The following MAGI2 variants were observed in gnomAD, a reference collection of about 807,000 sequenced individuals.
MAGI2 encodes membrane associated guanylate kinase, WW and PDZ domain containing 2.
Under a neutral mutation model 133.3 loss-of-function variants are expected in MAGI2, and 35 were observed. That is an observed-to-expected ratio of 0.26 (90% CI 0.20 to 0.35). The LOEUF is 0.35. Among genes scored for constraint, MAGI2 ranks in the 10% least tolerant of loss-of-function variants. MAGI2 has a pLI of 1.00. For missense variants in MAGI2, 1,636 were observed against 1,863.4 expected, an observed-to-expected ratio of 0.88 and a Z score of 2.25; for synonymous variants, 729 against 710.6, an observed-to-expected ratio of 1.03 and a Z score of -0.41.
At chr7:79,023,453 C>T (rs1809547409) in intron 1 of MAGI2, among the ~76,000 whole-genome samples, 1 of 152,096 alleles carries the variant, frequency 6.6e-6, no homozygotes, top group Non-Finnish European at 1.5e-5. Flanking sequence ...CTCACCACTC[C>T]TATTTAACAT....
intron 2 of MAGI2, among the ~76,000 whole-genome samples, chr7:78,687,100 G>T (rs1305411503): frequency 6.6e-6 from 1 of 152,172 alleles, no homozygotes; most frequent in Admixed American, 6.5e-5. Context: ...CCACACCTTT[G>T]TAGGTGAGAC....
At chr7:78,472,128 T>G (rs1215844385) in intron 6 of MAGI2, among the ~76,000 whole-genome samples, 1 of 152,072 alleles carries the variant, frequency 6.6e-6, no homozygotes, top group Non-Finnish European at 1.5e-5. Context: ...TTACATAAAC[T>G]AGGTTTGCAG....
intron 3 of MAGI2, among the ~76,000 whole-genome samples, chr7:78,608,467 G>GTGTGTGTA (rs1392117770): frequency 1.3e-5 from 2 of 148,290 alleles, no homozygotes; most frequent in African/African-American, 5.1e-5. Flanking sequence ...ATATGTGTGT[G>GTGTGTGTA]TATGTATATA....
intron 1 of MAGI2, among the ~76,000 whole-genome samples, chr7:79,447,419 T>A (rs888979512): frequency 2.0e-5 from 3 of 152,124 alleles, no homozygotes; most frequent in Admixed American, 2.0e-4. Context: ...GTTGTCATAA[T>A]ATATAGCCAG....
chr7:79,421,295 A>G (rs1846941438), intron 1 of MAGI2, among the ~76,000 whole-genome samples: 1 of 136,874 alleles, frequency 7.3e-6, no homozygotes, highest in African/African-American at 3.3e-5. Context: ...AATTGAATCC[A>G]TTGTGTTATT....
In MAGI2 at chr7:78,400,954, CA is replaced by C. The variant is rs1479292230; in HGVS notation, c.1046-31742del. On this transcript the variant is annotated intron_variant, in intron 6 of 21. Coordinates refer to ENST00000354212, the MANE Select transcript of MAGI2 (RefSeq NM_012301.4). ...TGTCATAGTCAAATGTAAACCAGGG[CA>C]TAAGACTAGGGAAAGCCGATTTCCT... is the stretch of plus-strand genomic sequence containing the variant. Among the ~76,000 whole-genome samples, 6 of 152,036 alleles carry C rather than the reference CA, an allele frequency of 3.9e-5. No individual in the cohort carries two copies. In the South Asian group the frequency reaches 1.3e-3, roughly 32 times the overall value.
At chr7:78,300,886 G>T (rs1797762134) in intron 9 of MAGI2, among the ~76,000 whole-genome samples, 1 of 152,170 alleles carries the variant, frequency 6.6e-6, no homozygotes, top group African/African-American at 2.4e-5. Flanking sequence ...GCTTTCACCT[G>T]ATCTCAATTG....
intron 1 of MAGI2, among the ~76,000 whole-genome samples, chr7:79,100,088 A>C (rs1407546451): frequency 6.6e-6 from 1 of 151,020 alleles, no homozygotes; most frequent in Non-Finnish European, 1.5e-5. Flanking sequence ...GAATGACTGC[A>C]TATTATTCCA....
chr7:78,846,098 A>T (rs980412800), intron 2 of MAGI2, among the ~76,000 whole-genome samples: 1 of 151,922 alleles, frequency 6.6e-6, no homozygotes, highest in Non-Finnish European at 1.5e-5. Flanking sequence ...TTAATATAAT[A>T]TGCCATTTTG....
intron 3 of MAGI2, among the ~76,000 whole-genome samples, chr7:78,609,277 T>G (rs1304426350): frequency 6.6e-6 from 1 of 152,146 alleles, no homozygotes; most frequent in East Asian, 1.9e-4. Context: ...ACAAGTCCAC[T>G]CCTTGTCAAC....
At chr7:78,713,449 T>C (rs193294325) in intron 2 of MAGI2, among the ~76,000 whole-genome samples, 1 of 152,238 alleles carries the variant, frequency 6.6e-6, no homozygotes, top group East Asian at 1.9e-4. Context: ...TAAAACTACA[T>C]ACAAGTGGAG....
intron 10 of MAGI2, among the ~76,000 whole-genome samples, chr7:78,222,016 C>A (rs1333048750): frequency 6.6e-6 from 1 of 151,890 alleles, no homozygotes; most frequent in East Asian, 2.0e-4. Flanking sequence ...CATGACTGTA[C>A]TTCAGCCTGG....
At chr7:79,392,228 T>A (rs1046569687) in intron 1 of MAGI2, among the ~76,000 whole-genome samples, 1 of 152,180 alleles carries the variant, frequency 6.6e-6, no homozygotes, top group Non-Finnish European at 1.5e-5. Context: ...ATGGTGTACA[T>A]GTGCCACATT....
chr7:78,752,120 T>C (rs1040203164), intron 2 of MAGI2, among the ~76,000 whole-genome samples: 1 of 152,230 alleles, frequency 6.6e-6, no homozygotes, highest in African/African-American at 2.4e-5. Flanking sequence ...CTGAATTCAA[T>C]GGTAAGAAGT....
At chr7:78,403,593 T>C (rs1016544133) in intron 6 of MAGI2, among the ~76,000 whole-genome samples, 3 of 152,192 alleles carry the variant, frequency 2.0e-5, no homozygotes, top group African/African-American at 7.2e-5. Flanking sequence ...CCACAATGGT[T>C]GAACTAGTTT....
At chr7:78,826,439 T>C (rs1790658872) in intron 2 of MAGI2, among the ~76,000 whole-genome samples, 3 of 152,006 alleles carry the variant, frequency 2.0e-5, no homozygotes, top group African/African-American at 7.3e-5. Context: ...CCTAATTTTT[T>C]GACATTCTGG....
At chr7:78,767,901 C>T (rs1053926222) in intron 2 of MAGI2, among the ~76,000 whole-genome samples, 8 of 152,166 alleles carry the variant, frequency 5.3e-5, no homozygotes, top group Non-Finnish European at 7.3e-5. Flanking sequence ...AAGAACTCAT[C>T]GGCATCTTAA....
chr7:79,037,585 GT>G (rs1026879915), intron 1 of MAGI2, among the ~76,000 whole-genome samples: 1 of 151,994 alleles, frequency 6.6e-6, no homozygotes, highest in African/African-American at 2.4e-5. Flanking sequence ...AAGAGTAATT[GT>G]TTTATTAAAA....
chr7:78,355,543 T>G (rs1791986394), intron 7 of MAGI2, among the ~76,000 whole-genome samples: 1 of 152,234 alleles, frequency 6.6e-6, no homozygotes, highest in Admixed American at 6.5e-5. Flanking sequence ...TCACTTGCTC[T>G]TCCTAGAGGG....
Sources: gnomAD v4.1 joint callset for allele counts (sites outside exome capture counted in the v4.1 genomes callset) on GRCh38, gnomAD v4.1.1 for gene constraint, MANE v1.5 for transcripts, NCBI Gene and HGNC (gene_info 2026-07-23, HGNC 2026-07-21) for gene names.